PXYLP1: variants seen among roughly 807,000 people sequenced by gnomAD.
PXYLP1 encodes the protein acid phosphatase-like 2.
In PXYLP1, 17 loss-of-function variants were observed where a neutral mutation model predicts 37.9. The ratio of observed to expected loss-of-function variants is 0.45; its 90% CI spans 0.31 to 0.67. PXYLP1 has a LOEUF of 0.67. Ranked by LOEUF, PXYLP1 falls within the 30% of genes least tolerant of loss-of-function variation. The pLI, the probability that PXYLP1 is intolerant of heterozygous loss-of-function variation, is 0.07. For missense variants in PXYLP1, 511 were observed against 612.0 expected (o/e 0.84, Z 1.74); for synonymous variants, 221 against 232.2 (o/e 0.95, Z 0.44).
At chr3:141,258,009 C>G (rs542918197) in intron 1 of PXYLP1, among the ~76,000 whole-genome samples, 1 of 152,100 alleles carries the variant, frequency 6.6e-6, no homozygotes, top group South Asian at 2.1e-4. Context: ...CTGGCCTCTC[C>G]CACAAGTCAG....
At chr3:141,249,245 G>A (rs1941086406) in intron 1 of PXYLP1, among the ~76,000 whole-genome samples, 1 of 152,180 alleles carries the variant, frequency 6.6e-6, no homozygotes, top group African/African-American at 2.4e-5. Context: ...TGAGAACAGG[G>A]TCTTGCCAAA....
chr3:141,273,357 C>CT, intron 2 of PXYLP1: 1 of 985,448 alleles, frequency 1.0e-6, no homozygotes, highest in Non-Finnish European at 1.2e-6. Context: ...CTAAGGTCTA[C>CT]TGTCTGGCTG....
intron 1 of PXYLP1, among the ~76,000 whole-genome samples, chr3:141,236,545 C>G (rs1940662679): frequency 6.6e-6 from 1 of 152,178 alleles, no homozygotes; most frequent in Admixed American, 6.5e-5. Context: ...TTTCAACCAA[C>G]AAAACCACAG....
intron 2 of PXYLP1, among the ~76,000 whole-genome samples, chr3:141,263,993 C>G (rs1235333706): frequency 6.6e-6 from 1 of 151,434 alleles, no homozygotes; most frequent in Non-Finnish European, 1.5e-5. Flanking sequence ...GTGGGGAAAG[C>G]TTTTGAAATA....
intron 2 of PXYLP1, among the ~76,000 whole-genome samples, chr3:141,268,206 AGTGTGT>A (rs112453738): frequency 0.059 from 3,014 of 50,950 alleles, 73 homozygotes; most frequent in African/African-American, 0.11. Context: ...AGAGAGAGAG[AGTGTGT>A]GTGTGTGTGT....
At chr3:141,251,991 C>A (rs903165385) in intron 1 of PXYLP1, among the ~76,000 whole-genome samples, 1 of 152,168 alleles carries the variant, frequency 6.6e-6, no homozygotes, top group Non-Finnish European at 1.5e-5. Flanking sequence ...CTTAACCCCA[C>A]GACTCCCTCC....
Position 141,292,993 on chromosome 3 carries a change from A to C in PXYLP1, c.1231A>C (p.Arg411=). The change falls in exon 6 of 6, where the codon AGA becomes CGA. Residue 411 remains arginine (R), a synonymous_variant. Transcript: ENST00000286353. The surrounding 1 kb of genome is among the most constrained non-coding windows in gnomAD (Gnocchi z 4.3). ...ARLIFELWQD[R]EKPSEHSVRI... ...GTTGATCTTTGAGCTTTGGCAAGACAGAGAAAAGCCCAGTGAACATTCCGT... is the reference window on the plus strand; with the variant it reads ...GTTGATCTTTGAGCTTTGGCAAGACCGAGAAAAGCCCAGTGAACATTCCGT... 6.2e-7 allele frequency: 1 copy of C among 1,614,218 alleles called. No individual in the cohort carries two copies.
Position 141,283,314 on chromosome 3 carries a change from G to A in PXYLP1, c.365+3810G>A, listed in dbSNP as rs186951595. Among the ~76,000 whole-genome samples the A allele has an allele frequency of 3.9e-5, 6 of 152,026 alleles. No individual in the cohort carries two copies. In the East Asian group the frequency reaches 1.2e-3, roughly 29 times the overall value. ...TATAATTTTGCAGCTCAGGGGCACTGGCTTGCTGGGAAAAAGAGGTTTAGT... is the reference window on the plus strand; with the variant it reads ...TATAATTTTGCAGCTCAGGGGCACTAGCTTGCTGGGAAAAAGAGGTTTAGT... On this transcript the variant is annotated intron_variant, in intron 4 of 5. Coordinates refer to ENST00000286353, the MANE Select transcript of PXYLP1 (RefSeq NM_001037172.3).
intron 1 of PXYLP1, among the ~76,000 whole-genome samples, chr3:141,238,855 C>T (rs1291479605): frequency 4.0e-5 from 6 of 151,898 alleles, no homozygotes; most frequent in African/African-American, 1.2e-4. Flanking sequence ...ATTTCCTATT[C>T]GTTAAGTGGA....
intron 2 of PXYLP1, among the ~76,000 whole-genome samples, chr3:141,277,102 G>A (rs1380120532): frequency 6.6e-6 from 1 of 152,066 alleles, no homozygotes; most frequent in Admixed American, 6.5e-5. Context: ...TAGGTTAGTT[G>A]CAAATATTTT....
rs775649449 is a variant in PXYLP1 at position 141,278,332 on chromosome 3, T to A, written c.80-10T>A. On this transcript the variant is annotated splice_polypyrimidine_tract_variant and intron_variant, in intron 2 of 5. Coordinates refer to ENST00000286353, the MANE Select transcript of PXYLP1 (RefSeq NM_001037172.3). ...AACTGTGCGTCACAACCTGCCTTACTTCGTTTCAGTCCACCTGATCCCGGT... is the reference window on the plus strand; with the variant it reads ...AACTGTGCGTCACAACCTGCCTTACATCGTTTCAGTCCACCTGATCCCGGT... 1.2e-6 allele frequency: 2 copies of A among 1,614,134 alleles called. No homozygotes were observed. The highest frequency in any genetic ancestry group is 1.7e-6 in the Non-Finnish European group (2 of 1,179,992).
intron 4 of PXYLP1, among the ~76,000 whole-genome samples, chr3:141,283,530 G>A (rs1942002754): frequency 6.6e-6 from 1 of 152,132 alleles, no homozygotes; most frequent in Non-Finnish European, 1.5e-5. Flanking sequence ...AATGTTATGA[G>A]AGCTAAGGAA....
At chr3:141,248,194 T>G (rs929324758) in intron 1 of PXYLP1, among the ~76,000 whole-genome samples, 3 of 151,756 alleles carry the variant, frequency 2.0e-5, no homozygotes, top group Admixed American at 6.6e-5. Context: ...AGGTAATTTT[T>G]TGTGTGTGTG....
At chr3:141,276,060 G>A (rs73232954) in intron 2 of PXYLP1, among the ~76,000 whole-genome samples, 24,254 of 152,122 alleles carry the variant, frequency 0.16, 2,779 homozygotes, top group African/African-American at 0.31. Flanking sequence ...CATTCAGTGC[G>A]GTAACATGCA....
intron 2 of PXYLP1, chr3:141,262,870 T>C: frequency 7.3e-6 from 4 of 548,486 alleles, no homozygotes; most frequent in East Asian, 6.2e-5. Flanking sequence ...ATACCACTTA[T>C]GTTCTCATTC....
At position 141,254,573 on chromosome 3, in the gene PXYLP1, G is replaced by A. The variant is rs77798932; in HGVS notation, c.-53-5550G>A. Among the ~76,000 whole-genome samples the A allele has an allele frequency of 7.2e-3, 1,102 of 152,270 alleles. 12 individuals are homozygous for A. The highest frequency in any genetic ancestry group is 0.025 in the African/African-American group (1,029 of 41,540). ...CTGCGCATCTTCATCAGACTTCAAG[G>A]TTGGTTTTTCTTGGGCAAGCATCTT... is the stretch of plus-strand genomic sequence containing the variant. On this transcript the variant is annotated intron_variant, in intron 1 of 5. Transcript: ENST00000286353.
At chr3:141,261,806 C>T (rs959563620) in intron 2 of PXYLP1, among the ~76,000 whole-genome samples, 1 of 152,224 alleles carries the variant, frequency 6.6e-6, no homozygotes, top group Non-Finnish European at 1.5e-5. Flanking sequence ...TGAATCCATG[C>T]CTGCTCTAAA....
rs769380063 is a variant in PXYLP1 at position 141,293,022 on chromosome 3, G to C, written c.1260G>C (p.Arg420=). Residue 420 remains arginine, a synonymous_variant, in exon 6 of 6, where the codon CGG becomes CGC. Coordinates refer to ENST00000286353, the MANE Select transcript of PXYLP1 (RefSeq NM_001037172.3). ...DREKPSEHSV[R]ILYNGVDVTF... is the part of the protein sequence containing the mutation. ...AAAAGCCCAGTGAACATTCCGTCCGGATTCTTTACAATGGCGTCGATGTCA... is the reference window on the plus strand; with the variant it reads ...AAAAGCCCAGTGAACATTCCGTCCGCATTCTTTACAATGGCGTCGATGTCA... 6.2e-7 allele frequency: 1 copy of C among 1,614,162 alleles called. No homozygotes were observed. Among genetic ancestry groups the C allele is most frequent in the South Asian group, 1.1e-5 (1 of 91,086 alleles).
Position 141,231,870 on chromosome 3 carries a change from G to C in PXYLP1, c.-95G>C, listed in dbSNP as rs551279623. On this transcript the variant is annotated 5_prime_UTR_variant, in exon 1 of 6. Coordinates refer to ENST00000286353, the MANE Select transcript of PXYLP1 (RefSeq NM_001037172.3). This position sits in a 1 kb window ranked among gnomAD's most constrained non-coding sequence, Gnocchi z 4.4. ...GAGCTGGCGGCGAGCGCCGAGCCGG[G>C]CGCGCAGCGACGGAGCTGGGGCCGG... 5 of 151,230 alleles carry C rather than the reference G, an allele frequency of 3.3e-5. No homozygotes were observed. In the South Asian group the frequency reaches 1.0e-3, roughly 31 times the overall value. The allele number at this position is 151,230 out of a possible 1,614,324, so 9.4% of individuals were successfully genotyped here.
Sources: allele counts gnomAD v4.1 joint callset (sites outside exome capture counted in the v4.1 genomes callset), GRCh38; gene constraint gnomAD v4.1.1; non-coding constraint Gnocchi (gnomAD v3.1); transcripts MANE v1.5; gene names NCBI Gene and HGNC (gene_info 2026-07-23, HGNC 2026-07-21).